The following MAST2 variants were observed in gnomAD, a reference collection of about 807,000 sequenced individuals.
The protein encoded by MAST2 is microtubule-associated serine/threonine-protein kinase 2.
A neutral mutation model predicts 147.4 loss-of-function variants in MAST2; 70 were observed. The ratio of observed to expected loss-of-function variants is 0.47; its 90% CI spans 0.39 to 0.58. The LOEUF is 0.58. Among genes scored for constraint, MAST2 ranks in the 20% least tolerant of loss-of-function variants. The pLI is 0.00. For synonymous variants in MAST2, 869 were observed against 896.8 expected (o/e 0.97, Z 0.55); for missense variants, 2,080 against 2,302.3 (o/e 0.90, Z 1.98).
intron 5 of MAST2, 144 bp from the exon 6 acceptor site, chr1:45,997,579 AG>A: frequency 6.1e-6 from 4 of 651,542 alleles, no homozygotes; most frequent in Non-Finnish European, 8.2e-6. Context: ...AAACTTTTAC[AG>A]AAAGAGACTC....
intron 4 of MAST2, among the ~76,000 whole-genome samples, chr1:45,912,002 A>G (rs1283143351): frequency 2.0e-5 from 3 of 151,966 alleles, no homozygotes; most frequent in Non-Finnish European, 4.4e-5. Context: ...GGATAGACCC[A>G]AGGTTGGGGC....
At chr1:46,020,326 G>A (rs1221662594) in intron 11 of MAST2, among the ~76,000 whole-genome samples, 2 of 152,100 alleles carry the variant, frequency 1.3e-5, no homozygotes, top group African/African-American at 2.4e-5. Context: ...TTCCCAGATC[G>A]GGAGCATGGG....
rs576003460 is a variant in MAST2, at chr1:45,848,630, G to A, written c.468+19049G>A. ...ATATGCTGATTATATGCAGGGTCCTGTGAGTACTCCTGGAGGATCATGGAA... is the reference window on the plus strand; with the variant it reads ...ATATGCTGATTATATGCAGGGTCCTATGAGTACTCCTGGAGGATCATGGAA... On this transcript the variant is annotated intron_variant, in intron 3 of 28. Coordinates refer to ENST00000361297, the MANE Select transcript of MAST2 (RefSeq NM_015112.3). Among the ~76,000 whole-genome samples, 229 of 152,322 alleles carry A rather than the reference G, an allele frequency of 1.5e-3. 3 individuals are homozygous for A. The highest frequency in any genetic ancestry group is 6.2e-3 in the South Asian group (30 of 4,828).
chr1:46,009,657 G>T (rs1213259549), intron 9 of MAST2, among the ~76,000 whole-genome samples: 2 of 152,130 alleles, frequency 1.3e-5, no homozygotes, highest in Admixed American at 6.5e-5. Context: ...TGTAGCATTG[G>T]ATGTTTGTGT....
At chr1:45,918,627 AG>A (rs1652946954) in intron 4 of MAST2, among the ~76,000 whole-genome samples, 2 of 152,082 alleles carry the variant, frequency 1.3e-5, no homozygotes, top group Admixed American at 1.3e-4. Context: ...TGGTAGAGAC[AG>A]GGTTTCACCA....
intron 12 of MAST2, 105 bp downstream of exon 12, chr1:46,022,187 A>G (rs1186674472): frequency 6.9e-6 from 10 of 1,449,716 alleles, no homozygotes; most frequent in Non-Finnish European, 9.4e-6. Flanking sequence ...CATGGACACA[A>G]CATGGCCCCG....
intron 12 of MAST2, 82 bp from the exon 13 acceptor site, chr1:46,022,828 T>C: frequency 3.0e-6 from 3 of 1,010,512 alleles, no homozygotes; most frequent in South Asian, 2.6e-5. Flanking sequence ...CTACCCTACA[T>C]GCACCTGTTG....
At position 45,824,516 on chromosome 1, in the gene MAST2, TC is replaced by T. The variant is rs757124442; in HGVS notation, c.262del (p.Gln88SerfsTer4). 6.2e-7 allele frequency: 1 copy of T among 1,612,170 alleles called. No homozygotes were observed. The highest frequency in any genetic ancestry group is 1.1e-5 in the South Asian group (1 of 90,666). ...TTTCATCCACTGGAAAAGTTAAACTTCAGCGACAACTGAGTCAGGATGATTG... is the reference window on the plus strand; with the variant it reads ...TTTCATCCACTGGAAAAGTTAAACTTAGCGACAACTGAGTCAGGATGATTG... ...IFSSTGKVKL[Q>X]RQLSQDDCKL... On this transcript the variant is annotated frameshift_variant, in exon 2 of 29. Coordinates refer to ENST00000361297, the MANE Select transcript of MAST2 (RefSeq NM_015112.3). LOFTEE classifies it high-confidence loss of function.
intron 3 of MAST2, among the ~76,000 whole-genome samples, chr1:45,852,985 C>T (rs1645671077): frequency 6.6e-6 from 1 of 152,030 alleles, no homozygotes; most frequent in Non-Finnish European, 1.5e-5. Flanking sequence ...GGCTGGAGTG[C>T]AGTGGCATGA....
At chr1:45,851,133 G>C (rs577388324) in intron 3 of MAST2, among the ~76,000 whole-genome samples, 4 of 151,970 alleles carry the variant, frequency 2.6e-5, no homozygotes, top group Non-Finnish European at 1.5e-5. Flanking sequence ...TGTCACCTGT[G>C]ATTTCTTTTA....
chr1:45,862,592 C>T (rs933884991), intron 3 of MAST2, among the ~76,000 whole-genome samples: 3 of 151,656 alleles, frequency 2.0e-5, no homozygotes, highest in African/African-American at 7.3e-5. Context: ...GCCTCAGCCT[C>T]CCAAGTAGTT....
chr1:45,817,069 A>C (rs1270173444), intron 1 of MAST2, among the ~76,000 whole-genome samples: 1 of 152,208 alleles, frequency 6.6e-6, no homozygotes, highest in Non-Finnish European at 1.5e-5. Context: ...AGGAATAAAA[A>C]GCATGCCTAC....
At chr1:45,968,897 T>C (rs751238548) in intron 5 of MAST2, among the ~76,000 whole-genome samples, 1 of 151,852 alleles carries the variant, frequency 6.6e-6, no homozygotes, top group Non-Finnish European at 1.5e-5. Flanking sequence ...TTTCGGTCCT[T>C]TTTTCTTTGC....
chr1:45,970,187 A>G (rs1265070655), intron 5 of MAST2, among the ~76,000 whole-genome samples: 3 of 152,204 alleles, frequency 2.0e-5, no homozygotes, highest in Admixed American at 6.5e-5. Context: ...TTCAGTAATC[A>G]CTGTGAGGAT....
intron 3 of MAST2, among the ~76,000 whole-genome samples, chr1:45,880,527 C>T (rs769193313): frequency 1.6e-4 from 24 of 152,226 alleles, no homozygotes; most frequent in Non-Finnish European, 3.1e-4. Context: ...TATCAATTGG[C>T]ATACGTAAGA....
chr1:45,888,111 G>A (rs964299568), intron 4 of MAST2, among the ~76,000 whole-genome samples: 1 of 152,080 alleles, frequency 6.6e-6, no homozygotes, highest in African/African-American at 2.4e-5. Context: ...CATTTATATC[G>A]CTAGATCTCA....
chr1:46,017,151 G>A (rs532451069), intron 10 of MAST2, among the ~76,000 whole-genome samples: 7 of 152,180 alleles, frequency 4.6e-5, no homozygotes, highest in South Asian at 2.1e-4. Context: ...GATCCCTTCC[G>A]TACACCTTAT....
In MAST2 at chr1:46,008,355, A is replaced by G. The variant is rs748036866; in HGVS notation, c.962A>G (p.Lys321Arg). ...SEIIMMNHVY[K>R]ERFPKATAQM... ...ATAATAATGATGAATCATGTTTACA[A>G]AGAAAGATTCCCAAAGGTAAGGATC... Residue 321 changes from lysine to arginine, a missense_variant, in exon 9 of 29, where the codon AAA becomes AGA. Around this residue, in one of 4 missense-constraint regions of MAST2, gnomAD observed 569 missense variants for 642.5 expected, o/e 0.89. Coordinates refer to ENST00000361297, the MANE Select transcript of MAST2 (RefSeq NM_015112.3). 1.9e-6 allele frequency: 3 copies of G among 1,612,566 alleles called. No individual in the cohort carries two copies. The highest frequency in any genetic ancestry group is 2.5e-6 in the Non-Finnish European group (3 of 1,178,532).
intron 4 of MAST2, among the ~76,000 whole-genome samples, chr1:45,936,459 C>G (rs974600671): frequency 8.0e-6 from 1 of 124,734 alleles, no homozygotes; most frequent in South Asian, 2.8e-4. Flanking sequence ...TCAAGGGGAC[C>G]GTGTTTTTTG....
Sources: allele counts gnomAD v4.1 joint callset (sites outside exome capture counted in the v4.1 genomes callset), GRCh38; gene constraint gnomAD v4.1.1; regional missense constraint gnomAD v4.1.1; transcripts MANE v1.5; gene names NCBI Gene and HGNC (gene_info 2026-07-23, HGNC 2026-07-21).